The following SPPL3 variants were observed in gnomAD, a reference collection of about 807,000 sequenced individuals.
The protein encoded by SPPL3 is signal peptide peptidase-like 3.
Under a neutral mutation model 42.4 loss-of-function variants are expected in SPPL3, and 5 were observed. The ratio of observed to expected loss-of-function variants is 0.12; its 90% CI spans 0.06 to 0.25. The LOEUF (loss-of-function observed/expected upper bound fraction) is 0.25. Among genes scored for constraint, SPPL3 ranks in the 10% least tolerant of loss-of-function variants. The pLI is 1.00. For synonymous variants in SPPL3, 195 were observed against 181.8 expected, an observed-to-expected ratio of 1.07 and a Z score of -0.58; for missense variants, 235 against 489.0, an observed-to-expected ratio of 0.48 and a Z score of 4.90.
At chr12:120,882,472 CAT>C (rs935521789) in intron 1 of SPPL3, among the ~76,000 whole-genome samples, 7 of 152,070 alleles carry the variant, frequency 4.6e-5, no homozygotes, top group Admixed American at 2.0e-4. Context: ...TTTGTATACA[CAT>C]GTGTTTTCAT....
At chr12:120,818,626 G>GA (rs1870956031) in intron 1 of SPPL3, among the ~76,000 whole-genome samples, 1 of 152,186 alleles carries the variant, frequency 6.6e-6, no homozygotes, top group African/African-American at 2.4e-5. Flanking sequence ...GCTATACAAT[G>GA]AAAGCATTCT....
At position 120,798,778 on chromosome 12, in the gene SPPL3, C is replaced by G. The variant is rs114190804; in HGVS notation, c.102-7221G>C. On this transcript the variant is annotated intron_variant, in intron 2 of 10. Coordinates refer to ENST00000353487, the MANE Select transcript of SPPL3 (RefSeq NM_139015.5). The stretch of plus-strand genomic sequence containing the variant: ...AATGTGCAGGAATTTTTATCTACAT[C>G]TCTACCCTTGGGGCTACACAGATTG... Among the ~76,000 whole-genome samples the G allele has an allele frequency of 3.4e-3, 517 of 152,332 alleles. 3 individuals carry two copies. The highest frequency in any genetic ancestry group is 0.012 in the African/African-American group (500 of 41,582).
At chr12:120,825,389 A>T (rs543952011) in intron 1 of SPPL3, among the ~76,000 whole-genome samples, 182 of 152,340 alleles carry the variant, frequency 1.2e-3, no homozygotes, top group African/African-American at 4.2e-3. Context: ...TCTGTGAGTT[A>T]GGAAACACTA....
chr12:120,849,343 C>A (rs981157457), intron 1 of SPPL3, among the ~76,000 whole-genome samples: 1 of 152,066 alleles, frequency 6.6e-6, no homozygotes, highest in South Asian at 2.1e-4. Flanking sequence ...GTAATCAATA[C>A]CAACTTCTAC....
intron 1 of SPPL3, among the ~76,000 whole-genome samples, chr12:120,902,417 T>C (rs1220018387): frequency 6.6e-6 from 1 of 152,256 alleles, no homozygotes; most frequent in Non-Finnish European, 1.5e-5. Context: ...TATTTTCTGA[T>C]ATTACCCATT....
chr12:120,818,171 A>T (rs1870942680), intron 1 of SPPL3, among the ~76,000 whole-genome samples: 1 of 152,252 alleles, frequency 6.6e-6, no homozygotes, highest in East Asian at 1.9e-4. Flanking sequence ...GACAGGAACT[A>T]CTCTATTCTG....
chr12:120,783,793 G>A, intron 4 of SPPL3, 41 bp from the exon 5 acceptor site: 1 of 1,565,172 alleles, frequency 6.4e-7, no homozygotes, highest in Non-Finnish European at 8.8e-7. Context: ...ACAATTATAA[G>A]AAAAATGGCA....
chr12:120,845,625 T>C (rs1207387990), intron 1 of SPPL3: 3 of 433,606 alleles, frequency 6.9e-6, no homozygotes, highest in South Asian at 2.5e-5. Context: ...AAAAAGGCCC[T>C]TGAAGACGTT....
At chr12:120,828,899 G>A (rs894307368) in intron 1 of SPPL3, among the ~76,000 whole-genome samples, 2 of 151,974 alleles carry the variant, frequency 1.3e-5, no homozygotes, top group African/African-American at 4.8e-5. Context: ...GGGACTACAG[G>A]TGTGTGCTAC....
intron 1 of SPPL3, among the ~76,000 whole-genome samples, chr12:120,869,851 GAACA>G (rs1872867617): frequency 6.6e-6 from 1 of 152,152 alleles, no homozygotes. Flanking sequence ...ATATGTTCTG[GAACA>G]AACAAATTTC....
intron 5 of SPPL3, 57 bp from the exon 6 acceptor site, chr12:120,782,824 T>TTGGTTA: frequency 4.7e-6 from 6 of 1,273,168 alleles, no homozygotes; most frequent in Non-Finnish European, 5.6e-6. Context: ...GTAACCAAAT[T>TTGGTTA]CTCCTTTGGT....
chr12:120,825,822 C>A (rs1474454602), intron 1 of SPPL3, among the ~76,000 whole-genome samples: 1 of 152,056 alleles, frequency 6.6e-6, no homozygotes, highest in Non-Finnish European at 1.5e-5. Flanking sequence ...ATCAAGGAGA[C>A]CAAGTAAGAT....
Position 120,764,735 on chromosome 12 carries a change from A to C in SPPL3, c.*264T>G, listed in dbSNP as rs1056288727. ...AACAGTCTGGTGCAGATCCATAAAAACGTGGGAGGAAGGCGCGCTGGGGAG... is the reference window on the plus strand; with the variant it reads ...AACAGTCTGGTGCAGATCCATAAAACCGTGGGAGGAAGGCGCGCTGGGGAG... On this transcript the variant is annotated 3_prime_UTR_variant, in exon 11 of 11. Coordinates refer to ENST00000353487, the MANE Select transcript of SPPL3 (RefSeq NM_139015.5). 2.3e-6 allele frequency: 1 copy of C among 430,646 alleles called. No homozygotes were observed. Among genetic ancestry groups the C allele is most frequent in the Non-Finnish European group, 4.1e-6 (1 of 244,574 alleles). The allele number at this position is 430,646 out of a possible 1,614,324, so 26.7% of individuals were successfully genotyped here. A position where few individuals can be genotyped will look rare whatever the true frequency, so the allele number is the denominator to read the frequency against.
intron 2 of SPPL3, among the ~76,000 whole-genome samples, chr12:120,796,890 G>C (rs1870115836): frequency 6.6e-6 from 1 of 152,190 alleles, no homozygotes; most frequent in Non-Finnish European, 1.5e-5. Context: ...ACTGTGGTGA[G>C]GGTGGGTGCA....
intron 1 of SPPL3, among the ~76,000 whole-genome samples, chr12:120,822,304 G>A (rs1422221897): frequency 1.3e-5 from 2 of 152,112 alleles, no homozygotes; most frequent in Admixed American, 6.5e-5. Flanking sequence ...AAAACTTAAG[G>A]AAAATTTTAA....
At chr12:120,852,206 C>A (rs1566060612) in intron 1 of SPPL3, among the ~76,000 whole-genome samples, 1 of 151,762 alleles carries the variant, frequency 6.6e-6, no homozygotes, top group Admixed American at 6.6e-5. Context: ...AGCTGAAGCT[C>A]CATATAATGG....
rs1193203452 is a variant in SPPL3 at position 120,898,557 on chromosome 12, G to A, written c.23+5288C>T. 3.3e-5 allele frequency among the ~76,000 whole-genome samples: 5 copies of A among 151,944 alleles called. No individual in the cohort carries two copies. In the East Asian group the frequency reaches 9.6e-4, roughly 29 times the overall value. ...AACCCATACTTTTAAGCAGAGAACT[G>A]CCAAGATCTGACTTAGGTTGTTAGA... On this transcript the variant is annotated intron_variant, in intron 1 of 10. Coordinates refer to ENST00000353487, the MANE Select transcript of SPPL3 (RefSeq NM_139015.5).
At chr12:120,802,415 G>GTATATATA (rs1555248882) in intron 2 of SPPL3, among the ~76,000 whole-genome samples, 1 of 112,656 alleles carries the variant, frequency 8.9e-6, no homozygotes, top group Non-Finnish European at 1.7e-5. Context: ...GTGTGTGTGT[G>GTATATATA]TATATATATA....
At chr12:120,841,811 A>G (rs1392488974) in intron 1 of SPPL3, among the ~76,000 whole-genome samples, 2 of 152,228 alleles carry the variant, frequency 1.3e-5, no homozygotes, top group Non-Finnish European at 2.9e-5. Context: ...CTTTGGTCAG[A>G]GAGGCTCAAT....
Sources: gnomAD v4.1 joint callset for allele counts (sites outside exome capture counted in the v4.1 genomes callset) on GRCh38, gnomAD v4.1.1 for gene constraint, MANE v1.5 for transcripts, NCBI Gene and HGNC (gene_info 2026-07-23, HGNC 2026-07-21) for gene names.